PCSK5: variants seen among roughly 807,000 people sequenced by gnomAD.
The protein encoded by PCSK5 is prohormone convertase 5.
PCSK5 carries 129 observed loss-of-function variants against 233.2 expected under a neutral mutation model. The observed-to-expected ratio is 0.55, with a 90% CI of 0.48 to 0.64. The LOEUF is 0.64. Among genes scored for constraint, PCSK5 ranks in the 30% least tolerant of loss-of-function variants. The pLI, the probability that PCSK5 is intolerant of heterozygous loss-of-function variation, is 0.00. For synonymous variants in PCSK5, 825 were observed against 879.2 expected (o/e 0.94, Z 1.09); for missense variants, 2,076 against 2,430.1 (o/e 0.85, Z 3.06).
chr9:76,120,264 C>G (rs543077056), intron 9 of PCSK5, among the ~76,000 whole-genome samples: 62 of 152,108 alleles, frequency 4.1e-4, no homozygotes, highest in African/African-American at 1.5e-3. Flanking sequence ...TCTGTTTTAT[C>G]TTCTACCAAA....
chr9:76,357,496 G>GT (rs1285627192), intron 37 of PCSK5, among the ~76,000 whole-genome samples: 3 of 151,876 alleles, frequency 2.0e-5, no homozygotes, highest in African/African-American at 7.3e-5. Flanking sequence ...TCCAGCCTGG[G>GT]TGACAGAGCG....
At chr9:75,978,480 A>G (rs1826123435) in intron 2 of PCSK5, among the ~76,000 whole-genome samples, 1 of 152,096 alleles carries the variant, frequency 6.6e-6, no homozygotes, top group Admixed American at 6.5e-5. Flanking sequence ...TGGCCAGACT[A>G]GTGATTGGTA....
intron 9 of PCSK5, among the ~76,000 whole-genome samples, chr9:76,120,409 G>A (rs932359103): frequency 1.3e-5 from 2 of 152,046 alleles, no homozygotes; most frequent in African/African-American, 2.4e-5. Flanking sequence ...TATAACAATT[G>A]TGTAAATCTT....
Position 75,890,849 on chromosome 9 carries a change from C to T in PCSK5, c.-333C>T, listed in dbSNP as rs1825561021. On this transcript the variant is annotated 5_prime_UTR_variant, in exon 1 of 38. Coordinates refer to ENST00000674117, the MANE Select transcript of PCSK5 (RefSeq NM_001372043.1). Reference sequence around the variant, plus strand: ...AGGAGCGAGACCGAGTCGGAGAGTCCGGGAGCCAAGCCGGGCGAAACCCAA... The same window carrying T: ...AGGAGCGAGACCGAGTCGGAGAGTCTGGGAGCCAAGCCGGGCGAAACCCAA... The T allele has an allele frequency of 4.0e-6, 1 of 247,378 alleles. No homozygotes were observed. Among genetic ancestry groups the T allele is most frequent in the African/African-American group, 2.2e-5 (1 of 44,910 alleles). The allele number at this position is 247,378 out of a possible 1,614,324, so 15.3% of individuals were successfully genotyped here.
intron 21 of PCSK5, among the ~76,000 whole-genome samples, chr9:76,228,158 A>G: frequency 6.6e-6 from 1 of 151,590 alleles, no homozygotes; most frequent in Non-Finnish European, 1.5e-5. Context: ...TTTAGTAGAG[A>G]TGGGGTTTCA....
At chr9:76,245,919 C>T (rs144564340) in intron 24 of PCSK5, among the ~76,000 whole-genome samples, 2 of 152,200 alleles carry the variant, frequency 1.3e-5, no homozygotes, top group African/African-American at 4.8e-5. Context: ...GCAGACAAAT[C>T]TAAAGTGATA....
chr9:76,262,942 AC>A (rs1293391508), intron 24 of PCSK5, among the ~76,000 whole-genome samples: 7 of 151,910 alleles, frequency 4.6e-5, no homozygotes, highest in African/African-American at 1.2e-4. Context: ...AAAAAAAAAA[AC>A]AACCCCATCA....
chr9:76,017,683 C>T (rs1454212084), intron 3 of PCSK5, among the ~76,000 whole-genome samples: 2 of 152,210 alleles, frequency 1.3e-5, no homozygotes, highest in African/African-American at 4.8e-5. Flanking sequence ...AATCCACAGA[C>T]TGAATAATCA....
chr9:76,209,617 T>C (rs904151031), intron 20 of PCSK5: 3 of 491,878 alleles, frequency 6.1e-6, no homozygotes, highest in Non-Finnish European at 1.2e-5. Context: ...ATAGTCAACT[T>C]ATTTATTTAC....
At chr9:76,168,183 C>G (rs4745516) in intron 12 of PCSK5, among the ~76,000 whole-genome samples, 138,723 of 152,244 alleles carry the variant, frequency 0.91, 63,303 homozygotes, top group East Asian at 1. Context: ...ACAGAGTCTC[C>G]CTCTGTCATC....
chr9:76,341,181 T>C (rs4745538), intron 35 of PCSK5, among the ~76,000 whole-genome samples: 58,544 of 151,682 alleles, frequency 0.39, 11,868 homozygotes, highest in East Asian at 0.75. Context: ...GCCATGATTG[T>C]GCCACTGCAC....
In PCSK5 at chr9:76,361,035, A is replaced by C. The variant is rs1025212924; in HGVS notation, c.*2113A>C. The C allele has an allele frequency of 1.3e-5, 2 of 152,130 alleles. No individual in the cohort carries two copies. The highest frequency in any genetic ancestry group is 1.3e-4 in the Admixed American group (2 of 15,274). The allele number at this position is 152,130 out of a possible 1,614,324, so 9.4% of individuals were successfully genotyped here. ...TGTACATGTATGATATGCCTCCAAAAATTTTGATCATTTAAAATTATCTCC... is the reference window on the plus strand; with the variant it reads ...TGTACATGTATGATATGCCTCCAAACATTTTGATCATTTAAAATTATCTCC... On this transcript the variant is annotated 3_prime_UTR_variant, in exon 38 of 38. Transcript: ENST00000674117.
chr9:76,129,196 T>C (rs1822654256), intron 9 of PCSK5, among the ~76,000 whole-genome samples: 1 of 152,192 alleles, frequency 6.6e-6, no homozygotes, highest in Non-Finnish European at 1.5e-5. Flanking sequence ...TCTTTTAGCA[T>C]TGGTACAGTG....
intron 2 of PCSK5, among the ~76,000 whole-genome samples, chr9:75,958,990 A>G: frequency 6.6e-6 from 1 of 152,192 alleles, no homozygotes; most frequent in Admixed American, 6.5e-5. Context: ...TAACCTTGCA[A>G]TTTGGCAGAA....
intron 1 of PCSK5, among the ~76,000 whole-genome samples, chr9:75,914,696 A>G (rs975677619): frequency 4.6e-5 from 7 of 152,086 alleles, no homozygotes; most frequent in African/African-American, 1.7e-4. Flanking sequence ...AAACTTTTCT[A>G]TTTCTCAGGA....
At chr9:76,148,650 C>T (rs1235804701) in intron 10 of PCSK5, among the ~76,000 whole-genome samples, 1 of 152,162 alleles carries the variant, frequency 6.6e-6, no homozygotes, top group Non-Finnish European at 1.5e-5. Context: ...CTGTCCATCA[C>T]CCTGTTCCTG....
chr9:76,246,964 T>C (rs761100951), intron 24 of PCSK5, among the ~76,000 whole-genome samples: 3 of 152,214 alleles, frequency 2.0e-5, no homozygotes, highest in Non-Finnish European at 4.4e-5. Flanking sequence ...CTTGGCCTCA[T>C]GGATTCCAAG....
At chr9:75,945,188 A>G (rs1824508317) in intron 2 of PCSK5, among the ~76,000 whole-genome samples, 1 of 150,792 alleles carries the variant, frequency 6.6e-6, no homozygotes, top group Non-Finnish European at 1.5e-5. Context: ...ATACATATAT[A>G]ATATAACATA....
At chr9:75,890,496 C>T (rs1159904177), upstream of PCSK5, 1 of 152,298 alleles carries the variant, frequency 6.6e-6, no homozygotes, top group Non-Finnish European at 1.5e-5. Flanking sequence ...GCCTTTACTG[C>T]CCGGAACCCT....
Sources: allele counts gnomAD v4.1 joint callset (sites outside exome capture counted in the v4.1 genomes callset), GRCh38; gene constraint gnomAD v4.1.1; transcripts MANE v1.5; gene names NCBI Gene and HGNC (gene_info 2026-07-23, HGNC 2026-07-21).